The following SCAMP4 variants were observed in gnomAD, a reference collection of about 807,000 sequenced individuals.
The protein encoded by SCAMP4 is secretory carrier membrane protein 4, also known as secretory carrier-associated membrane protein 4.
SCAMP4 carries 19 observed loss-of-function variants against 32.1 expected under a neutral mutation model. The ratio of observed to expected loss-of-function variants is 0.59; its 90% confidence interval spans 0.41 to 0.87. The LOEUF (loss-of-function observed/expected upper bound fraction) is 0.87. SCAMP4 is among the 40% of genes least tolerant of loss of function. The pLI is 0.00. For synonymous variants in SCAMP4, 152 were observed against 132.7 expected, an observed-to-expected ratio of 1.15 and a Z score of -1.00; for missense variants, 302 against 309.0, an observed-to-expected ratio of 0.98 and a Z score of 0.17.
Position 1,925,169 on chromosome 19 carries a change from C to A in SCAMP4, c.*885C>A, listed in dbSNP as rs951576549. On this transcript the variant is annotated 3_prime_UTR_variant, in exon 7 of 7. Coordinates refer to ENST00000316097, the MANE Select transcript of SCAMP4 (RefSeq NM_079834.4). Reference sequence around the variant, plus strand: ...CTGGAGTGCAGTGGTGTGATCTCGGCTCACTGCAACCTCTGCCTCCCGTGT... The same window carrying A: ...CTGGAGTGCAGTGGTGTGATCTCGGATCACTGCAACCTCTGCCTCCCGTGT... 12 of 151,324 alleles carry A rather than the reference C, an allele frequency of 7.9e-5. No homozygotes were observed. Among genetic ancestry groups the A allele is most frequent in the African/African-American group, 2.7e-4 (11 of 41,040 alleles). 9.4% of individuals were successfully genotyped at this position (151,324 alleles called of 1,614,324 possible).
chr19:1,920,975 C>T, intron 5 of SCAMP4: 1 of 985,386 alleles, frequency 1.0e-6, no homozygotes, highest in Non-Finnish European at 1.2e-6. Context: ...ACGGGAGAAG[C>T]TGAGCATGCG....
rs2013973886 is a variant in SCAMP4, at chr19:1,923,149, T to A, written c.475T>A (p.Ser159Thr). Residue 159 changes from serine to threonine, a missense_variant, in exon 6 of 7, where the codon TCC (serine) becomes ACC (threonine). By Grantham distance (58) the Ser-to-Thr change is moderately conservative. Transcript: ENST00000316097. Reference protein sequence around the residue: ...VVMLLPAIMFSVSAAMMAIAI... With the variant: ...VVMLLPAIMFTVSAAMMAIAI... ...CATGCTGCTTCCAGCCATCATGTTCTCCGTGTCGGCTGCCATGATGGCCAT... is the reference window on the plus strand; with the variant it reads ...CATGCTGCTTCCAGCCATCATGTTCACCGTGTCGGCTGCCATGATGGCCAT... 3 of 1,551,970 alleles carry A rather than the reference T, an allele frequency of 1.9e-6. No individual in the cohort carries two copies. The highest frequency in any genetic ancestry group is 2.6e-6 in the Non-Finnish European group (3 of 1,147,302).
At chr19:1,922,071 C>G in intron 5 of SCAMP4, 1 of 985,458 alleles carries the variant, frequency 1.0e-6, no homozygotes, top group Non-Finnish European at 1.2e-6. Context: ...TCGTGCCTGC[C>G]TTTAAGTTCC....
intron 5 of SCAMP4, chr19:1,920,105 C>T (rs565091213): frequency 1.0e-6 from 1 of 985,186 alleles, no homozygotes; most frequent in East Asian, 1.1e-4. Context: ...GCCACTGTGC[C>T]TGGCCAAATT....
At position 1,924,233 on chromosome 19, in the gene SCAMP4, G is replaced by A; in HGVS notation, c.639G>A (p.Leu213=). ...ACAACAACTTCTCAGGCAACAGCCT[G>A]CCCGAGTACCCCACTGTGCCCAGCT... ...AQYNNFSGNS[L]PEYPTVPSYP... is the part of the protein sequence containing the mutation. Residue 213 remains leucine, a synonymous_variant, in exon 7 of 7, where the codon CTG becomes CTA. Coordinates refer to ENST00000316097, the MANE Select transcript of SCAMP4 (RefSeq NM_079834.4). 1 of 1,606,218 alleles carries A rather than the reference G, an allele frequency of 6.2e-7. No homozygotes were observed. The highest frequency in any genetic ancestry group is 1.1e-5 in the South Asian group (1 of 89,842).
intron 2 of SCAMP4, among the ~76,000 whole-genome samples, chr19:1,915,247 G>A (rs1782389153): frequency 6.6e-6 from 1 of 152,214 alleles, no homozygotes; most frequent in South Asian, 2.1e-4. Context: ...ACGCCTCACT[G>A]ACCCGAAGCA....
At chr19:1,917,038 G>A (rs1321423208) in intron 2 of SCAMP4, among the ~76,000 whole-genome samples, 14 of 152,238 alleles carry the variant, frequency 9.2e-5, no homozygotes, top group African/African-American at 3.1e-4. Flanking sequence ...GGTGGCTCAC[G>A]CCTGTTATCC....
At chr19:1,921,090 G>A (rs372055821) in intron 5 of SCAMP4, 11 of 985,236 alleles carry the variant, frequency 1.1e-5, no homozygotes, top group East Asian at 2.3e-4. Flanking sequence ...AAACCACAGC[G>A]CACAGCGACT....
chr19:1,921,559 C>G, intron 5 of SCAMP4: 14 of 985,484 alleles, frequency 1.4e-5, no homozygotes, highest in Non-Finnish European at 1.7e-5. Context: ...AGACCTGACA[C>G]TTGCATGCGG....
intron 5 of SCAMP4, chr19:1,921,492 C>T (rs776808298): frequency 1.3e-4 from 131 of 985,274 alleles, no homozygotes; most frequent in Admixed American, 3.1e-4. Flanking sequence ...CATCAGCGGG[C>T]GCCGCAGCCT....
chr19:1,917,871 C>A, intron 3 of SCAMP4, 49 bp downstream of exon 3: 1 of 1,607,596 alleles, frequency 6.2e-7, no homozygotes, highest in Non-Finnish European at 8.5e-7. Context: ...CAGGGCTCCC[C>A]GAGGGAGGGA....
intron 5 of SCAMP4, chr19:1,919,333 G>C: frequency 8.6e-7 from 1 of 1,163,300 alleles, no homozygotes; most frequent in Non-Finnish European, 1.1e-6. Flanking sequence ...GGCTGCTGAT[G>C]TTTCTGCACG....
chr19:1,918,011 G>T (rs774782640), intron 3 of SCAMP4, 116 bp from the exon 4 acceptor site: 3 of 1,414,670 alleles, frequency 2.1e-6, no homozygotes, highest in African/African-American at 2.8e-5. Flanking sequence ...GTTCATCCTC[G>T]ACATGGGGTC....
At chr19:1,915,288 C>G (rs2013694013) in intron 2 of SCAMP4, 6 of 575,954 alleles carry the variant, frequency 1.0e-5, no homozygotes, top group Non-Finnish European at 1.9e-5. Flanking sequence ...GCCATCACAG[C>G]TGCTCTTTCC....
chr19:1,905,632 G>C (rs552865895), intron 1 of SCAMP4, 193 bp downstream of exon 1: 29 of 160,908 alleles, frequency 1.8e-4, no homozygotes, highest in African/African-American at 6.3e-4. Context: ...GCGAATGCGC[G>C]TGCGCGCGCG....
chr19:1,905,640 G>GCT (rs1258519434), intron 1 of SCAMP4: 1 of 158,754 alleles, frequency 6.3e-6, no homozygotes, highest in Non-Finnish European at 1.4e-5. Context: ...GCGTGCGCGC[G>GCT]CGCGCGCGGC....
chr19:1,925,688 C>T lies in SCAMP4; in HGVS notation c.*1404C>T, dbSNP rs2014075501. The T allele has an allele frequency of 6.5e-6, 1 of 152,794 alleles. No homozygotes were observed. The highest frequency in any genetic ancestry group is 1.5e-5 in the Non-Finnish European group (1 of 68,254). 9.5% of individuals were successfully genotyped at this position (152,794 alleles called of 1,614,324 possible). ...GGACGCCTGCTGCCCTGGAGCCCTC[C>T]CCAGGATGTGAGCCAGTCCCCTCGC... On this transcript the variant is annotated 3_prime_UTR_variant, in exon 7 of 7. Coordinates refer to ENST00000316097, the MANE Select transcript of SCAMP4 (RefSeq NM_079834.4).
chr19:1,921,664 A>G (rs1333324244), intron 5 of SCAMP4: 1 of 985,100 alleles, frequency 1.0e-6, no homozygotes, highest in Non-Finnish European at 1.2e-6. Flanking sequence ...ATTACATCCA[A>G]ACAGAGGTTT....
At chr19:1,923,026 C>G in intron 5 of SCAMP4, 44 bp from the exon 6 acceptor site, 1 of 1,491,962 alleles carries the variant, frequency 6.7e-7, no homozygotes, top group Non-Finnish European at 9.0e-7. Context: ...GGGCCCTCAT[C>G]CAGCAGGTGT....
Sources: allele counts gnomAD v4.1 joint callset (sites outside exome capture counted in the v4.1 genomes callset), GRCh38; gene constraint gnomAD v4.1.1; transcripts MANE v1.5; gene names NCBI Gene and HGNC (gene_info 2026-07-23, HGNC 2026-07-21).